The following SLC2A12 variants were observed in gnomAD, a reference collection of about 807,000 sequenced individuals.
SLC2A12 encodes the protein solute carrier family 2, facilitated glucose transporter member 12.
A neutral mutation model predicts 41.8 loss-of-function variants in SLC2A12; 23 were observed. That is an observed-to-expected ratio of 0.55 (90% CI 0.40 to 0.78). The LOEUF (loss-of-function observed/expected upper bound fraction) is 0.78. SLC2A12 is among the 30% of genes least tolerant of loss of function. The pLI, the probability that SLC2A12 is intolerant of heterozygous loss-of-function variation, is 0.00. For missense variants in SLC2A12, 654 were observed against 745.6 expected (o/e 0.88, Z 1.43); for synonymous variants, 295 against 285.9 (o/e 1.03, Z -0.32).
intron 1 of SLC2A12, among the ~76,000 whole-genome samples, chr6:134,044,417 A>C (rs915709826): frequency 5.3e-5 from 8 of 152,354 alleles, no homozygotes; most frequent in Admixed American, 5.2e-4. Context: ...TAAAACCTAC[A>C]GACAAGAATA....
At chr6:133,997,734 T>C (rs1239976421) in intron 4 of SLC2A12, among the ~76,000 whole-genome samples, 1 of 152,108 alleles carries the variant, frequency 6.6e-6, no homozygotes, top group Non-Finnish European at 1.5e-5. Flanking sequence ...TCATTCATAC[T>C]CCAAACCTCA....
intron 3 of SLC2A12, among the ~76,000 whole-genome samples, chr6:134,002,965 G>T (rs968983803): frequency 6.6e-6 from 1 of 152,192 alleles, no homozygotes; most frequent in African/African-American, 2.4e-5. Flanking sequence ...ACTTGAGGCT[G>T]CCATTTGCAT....
At position 134,029,525 on chromosome 6, in the gene SLC2A12, C is replaced by T; in HGVS notation, c.300G>A (p.Leu100=). 6.2e-7 allele frequency: 1 copy of T among 1,614,152 alleles called. No homozygotes were observed. The highest frequency in any genetic ancestry group is 8.5e-7 in the Non-Finnish European group (1 of 1,180,034). ...ALLASLTGGV[L]IDRYGRRTAI... ...CTGTCCTTCTTCCATATCTGTCTAT[C>T]AGGACCCCTCCGGTGAGTGAGGCAA... Residue 100 remains leucine, a synonymous_variant, in exon 2 of 5, where the codon CTG becomes CTA. Coordinates refer to ENST00000275230, the MANE Select transcript of SLC2A12 (RefSeq NM_145176.3).
intron 3 of SLC2A12, among the ~76,000 whole-genome samples, chr6:134,005,273 C>A (rs1009737617): frequency 6.6e-6 from 1 of 152,046 alleles, no homozygotes; most frequent in Non-Finnish European, 1.5e-5. Flanking sequence ...TTATGCCTTG[C>A]CTTATTTCCG....
In SLC2A12 at chr6:134,052,502, G is replaced by T. The variant is rs113014966; in HGVS notation, c.-22C>A. The stretch of plus-strand genomic sequence containing the variant: ...CCATGGTCACGTAGAAGTTACAGCC[G>T]CTTCCCCGCCACCAAACCGCCCCGA... On this transcript the variant is annotated 5_prime_UTR_variant, in exon 1 of 5. Transcript: ENST00000275230. 3,168 of 1,600,072 alleles carry T rather than the reference G, an allele frequency of 2.0e-3. 68 individuals are homozygous for T. The African/African-American group carries it at 0.035, about 18-fold the overall frequency.
At chr6:134,051,123 G>T (rs1019030939) in intron 1 of SLC2A12, among the ~76,000 whole-genome samples, 2 of 151,972 alleles carry the variant, frequency 1.3e-5, no homozygotes, top group Admixed American at 1.3e-4. Context: ...TAGGGTTTCC[G>T]CTCTGTTGGC....
intron 2 of SLC2A12, among the ~76,000 whole-genome samples, chr6:134,015,957 A>G (rs1434957790): frequency 6.6e-6 from 1 of 152,264 alleles, no homozygotes; most frequent in Non-Finnish European, 1.5e-5. Context: ...AAAACCAAAC[A>G]GAGCAAAAAG....
At chr6:134,003,920 C>T (rs1016076701) in intron 3 of SLC2A12, among the ~76,000 whole-genome samples, 1 of 152,212 alleles carries the variant, frequency 6.6e-6, no homozygotes, top group Non-Finnish European at 1.5e-5. Flanking sequence ...AGTAGAACCT[C>T]ACGTCTTTTA....
At chr6:133,996,566 G>C (rs1485256933) in intron 4 of SLC2A12, among the ~76,000 whole-genome samples, 1 of 152,202 alleles carries the variant, frequency 6.6e-6, no homozygotes, top group Non-Finnish European at 1.5e-5. Flanking sequence ...GCAATGTGTA[G>C]TATCATGTTT....
At position 134,001,959 on chromosome 6, in the gene SLC2A12, A is replaced by G. The variant is rs1332582136; in HGVS notation, c.1700+38T>C. ...TATATAAAAGCTGCACTTTTGACCA[A>G]AGAGTATTGTTCAGAAACCAATGCA... On this transcript the variant is annotated intron_variant, in intron 4 of 4. Transcript: ENST00000275230. The G allele has an allele frequency of 2.5e-6, 4 of 1,589,596 alleles. No homozygotes were observed. The South Asian group carries it at 4.6e-5, about 18-fold the overall frequency.
At chr6:134,003,037 C>T (rs750073007) in intron 3 of SLC2A12, among the ~76,000 whole-genome samples, 1 of 152,300 alleles carries the variant, frequency 6.6e-6, no homozygotes, top group African/African-American at 2.4e-5. Flanking sequence ...CAACTACGAA[C>T]AACAAGATTT....
intron 1 of SLC2A12, among the ~76,000 whole-genome samples, chr6:134,045,801 CG>C (rs1457871407): frequency 2.0e-5 from 3 of 152,134 alleles, no homozygotes; most frequent in Non-Finnish European, 1.5e-5. Context: ...CTTCATAATA[CG>C]GAGGTAAAGC....
chr6:134,050,483 A>G (rs575993540), intron 1 of SLC2A12, among the ~76,000 whole-genome samples: 3 of 152,374 alleles, frequency 2.0e-5, no homozygotes, highest in African/African-American at 7.2e-5. Flanking sequence ...AATTTTGTGC[A>G]TGTAACCAAC....
chr6:133,993,385 AG>A (rs1776648142), intron 4 of SLC2A12, among the ~76,000 whole-genome samples: 1 of 152,216 alleles, frequency 6.6e-6, no homozygotes, highest in Non-Finnish European at 1.5e-5. Flanking sequence ...CCTGAAACCT[AG>A]TCCTCTCTCA....
At chr6:134,048,703 G>A (rs1185732421) in intron 1 of SLC2A12, among the ~76,000 whole-genome samples, 4 of 152,050 alleles carry the variant, frequency 2.6e-5, no homozygotes, top group Non-Finnish European at 5.9e-5. Flanking sequence ...TTTTTGTCAC[G>A]GGTTTTGATG....
intron 1 of SLC2A12, among the ~76,000 whole-genome samples, chr6:134,041,352 C>T (rs1777378878): frequency 6.6e-6 from 1 of 152,086 alleles, no homozygotes; most frequent in Admixed American, 6.5e-5. Flanking sequence ...GGCACAGTGG[C>T]TCACACCTGT....
At chr6:134,050,552 T>C (rs1445710390) in intron 1 of SLC2A12, among the ~76,000 whole-genome samples, 1 of 152,214 alleles carries the variant, frequency 6.6e-6, no homozygotes. Flanking sequence ...TTGTACAATA[T>C]AAGCTATTAA....
intron 1 of SLC2A12, among the ~76,000 whole-genome samples, chr6:134,040,241 G>T (rs993986331): frequency 6.6e-6 from 1 of 151,558 alleles, no homozygotes; most frequent in South Asian, 2.1e-4. Flanking sequence ...ACCACACCTG[G>T]CCAATTTTTG....
chr6:134,042,412 C>T, intron 1 of SLC2A12, among the ~76,000 whole-genome samples: 1 of 151,814 alleles, frequency 6.6e-6, no homozygotes, highest in South Asian at 2.1e-4. Flanking sequence ...GGACAGGTGG[C>T]CTATGGGAGA....
Sources: gnomAD v4.1 joint callset for allele counts (sites outside exome capture counted in the v4.1 genomes callset) on GRCh38, gnomAD v4.1.1 for gene constraint, MANE v1.5 for transcripts, NCBI Gene and HGNC (gene_info 2026-07-23, HGNC 2026-07-21) for gene names.